The following SEC16A variants were observed in gnomAD, a reference collection of about 807,000 sequenced individuals.
SEC16A encodes the protein SEC16 homolog A, endoplasmic reticulum export factor.
A neutral mutation model predicts 221.9 loss-of-function variants in SEC16A; 110 were observed. The observed-to-expected ratio is 0.50, with a 90% CI of 0.42 to 0.58. The LOEUF is 0.58. SEC16A is among the 20% of genes least tolerant of loss of function. The pLI is 0.00. For missense variants in SEC16A, 3,165 were observed against 3,097.8 expected, an observed-to-expected ratio of 1.02 and a Z score of -0.52; for synonymous variants, 1,393 against 1,257.7, an observed-to-expected ratio of 1.11 and a Z score of -2.28.
chr9:136,442,391 C>T (rs916981136), intron 31 of SEC16A, among the ~76,000 whole-genome samples: 2 of 152,238 alleles, frequency 1.3e-5, no homozygotes, highest in African/African-American at 2.4e-5. Context: ...GCCTCGGCCT[C>T]GTTTGTAGAG....
chr9:136,464,859 C>T (rs981945933), intron 8 of SEC16A, among the ~76,000 whole-genome samples: 5 of 152,218 alleles, frequency 3.3e-5, no homozygotes, highest in Admixed American at 2.6e-4. Flanking sequence ...GTAATCCTCC[C>T]AGGCCTGGCC....
chr9:136,475,060 A>T lies in SEC16A; in HGVS notation c.2556T>A (p.Ser852=). The part of the protein sequence containing the change: ...PINFSVSLSN[S]HEKNQSWREA... ...CTCTCCAGGACTGATTCTTCTCATGAGAGTTCGATAAGGACACAGAAAAGT... is the reference window on the plus strand; with the variant it reads ...CTCTCCAGGACTGATTCTTCTCATGTGAGTTCGATAAGGACACAGAAAAGT... Residue 852 remains serine, a synonymous_variant, in exon 3 of 32, where the codon TCT becomes TCA. Transcript: ENST00000684901. The surrounding 1 kb of genome is among the most constrained non-coding windows in gnomAD (Gnocchi z 5.0). 2 of 1,613,670 alleles carry T rather than the reference A, an allele frequency of 1.2e-6. No individual in the cohort carries two copies. Among genetic ancestry groups the T allele is most frequent in the East Asian group, 4.5e-5 (2 of 44,856 alleles).
At chr9:136,460,732 G>A (rs974188909) in intron 13 of SEC16A, among the ~76,000 whole-genome samples, 1 of 151,942 alleles carries the variant, frequency 6.6e-6, no homozygotes, top group African/African-American at 2.4e-5. Context: ...GGCCAACATG[G>A]CAAAACCCAC....
intron 5 of SEC16A, 129 bp downstream of exon 5, chr9:136,468,284 TAA>T (rs1840405990): frequency 1.9e-6 from 1 of 538,242 alleles, no homozygotes; most frequent in Non-Finnish European, 3.3e-6. Context: ...GGCAAAAACA[TAA>T]AGAGATTAAT....
chr9:136,479,675 A>G (rs1445607757), intron 1 of SEC16A, among the ~76,000 whole-genome samples: 4 of 152,104 alleles, frequency 2.6e-5, no homozygotes, highest in South Asian at 2.1e-4. Context: ...TTGCAGATGT[A>G]TATTATTTTG....
In SEC16A at chr9:136,441,174, T is replaced by C. The variant is rs1836147174; in HGVS notation, c.*581A>G. 6.5e-6 allele frequency: 1 copy of C among 153,596 alleles called. No individual in the cohort carries two copies. Among genetic ancestry groups the C allele is most frequent in the South Asian group, 2.0e-4 (1 of 4,938 alleles). The allele number at this position is 153,596 out of a possible 1,614,324, so 9.5% of individuals were successfully genotyped here. On this transcript the variant is annotated 3_prime_UTR_variant, in exon 32 of 32. Transcript: ENST00000684901. ...GCCTCTCTCAAAAACCGTGAACTAA[T>C]GCCGAAGGAACCCCACGGCTCCTCG...
intron 3 of SEC16A, 25 bp downstream of exon 3, chr9:136,474,024 G>A (rs763703925): frequency 3.2e-6 from 5 of 1,570,850 alleles, no homozygotes; most frequent in Non-Finnish European, 4.3e-6. Flanking sequence ...AGAAAAGTGG[G>A]TTACACATAC....
chr9:136,453,281 T>C (rs1293610889), intron 22 of SEC16A, 147 bp downstream of exon 22: 4 of 586,868 alleles, frequency 6.8e-6, no homozygotes, highest in East Asian at 5.8e-5. Context: ...ATGAAAGCTA[T>C]TTAGAAGCAC....
In SEC16A at chr9:136,465,949, G is replaced by C. The variant is rs1291489957; in HGVS notation, c.4303+13C>G. 6.2e-7 allele frequency: 1 copy of C among 1,612,034 alleles called. No individual in the cohort carries two copies. Among genetic ancestry groups the C allele is most frequent in the Middle Eastern group, 1.7e-4 (1 of 5,966 alleles). Reference sequence around the variant, plus strand: ...GGGTTAGCCGGTATCCCTCTGTCCTGCTGAGCACACACCTTGCTCCATGGC... The same window carrying C: ...GGGTTAGCCGGTATCCCTCTGTCCTCCTGAGCACACACCTTGCTCCATGGC... On this transcript the variant is annotated intron_variant, in intron 8 of 31. Transcript: ENST00000684901.
Position 136,447,209 on chromosome 9 carries a change from GGTGCTC to G in SEC16A, c.6697+12_6697+17del. The G allele has an allele frequency of 1.3e-6, 2 of 1,584,408 alleles. No homozygotes were observed. Among genetic ancestry groups the G allele is most frequent in the Non-Finnish European group, 1.7e-6 (2 of 1,166,278 alleles). On this transcript the variant is annotated intron_variant, in intron 27 of 31. Coordinates refer to ENST00000684901, the MANE Select transcript of SEC16A (RefSeq NM_014866.2). The surrounding 1 kb of genome is among the most constrained non-coding windows in gnomAD (Gnocchi z 5.5). ...GACTGGGGGCTGACCTGGAGGGGCT[GGTGCTC>G]GTGCTACCTACCTGGGGTTGGCACG...
chr9:136,448,179 G>A lies in SEC16A; in HGVS notation c.6313-18C>T, dbSNP rs766304098. On this transcript the variant is annotated intron_variant, in intron 23 of 31. Transcript: ENST00000684901. ...GATTCACCCTAAATATAAAAAACACGAGAACAACTTTGAAAACATTATGTT... is the reference window on the plus strand; with the variant it reads ...GATTCACCCTAAATATAAAAAACACAAGAACAACTTTGAAAACATTATGTT... The A allele has an allele frequency of 6.9e-6, 11 of 1,598,558 alleles. No individual in the cohort carries two copies. The highest frequency in any genetic ancestry group is 2.7e-5 in the African/African-American group (2 of 74,590).
Position 136,474,166 on chromosome 9 carries a change from G to A in SEC16A, c.3450C>T (p.Gly1150=), listed in dbSNP as rs577690635. 4 of 1,612,958 alleles carry A rather than the reference G, an allele frequency of 2.5e-6. No individual in the cohort carries two copies. In the African/African-American group the frequency reaches 5.3e-5, roughly 21 times the overall value. The part of the protein sequence containing the change: ...WPQPVPALAP[G]PPPQDLAAYY... ...AGGCGGCCAGGTCCTGAGGCGGTGG[G>A]CCGGGGGCAAGTGCAGGCACTGGCT... Residue 1150 remains glycine (G), a synonymous_variant, in exon 3 of 32, where the codon GGC becomes GGT. Coordinates refer to ENST00000684901, the MANE Select transcript of SEC16A (RefSeq NM_014866.2).
chr9:136,459,170 G>A lies in SEC16A; in HGVS notation c.5373C>T (p.Ser1791=), dbSNP rs371116536. ...GCAGGGGGCAGGTCTCGGCACCCAG[G>A]GACTGGGCGTACTCATAGGCTTCCG... ...QRTEAYEYAQ[S]LGAETCPLPS... The change falls in exon 17 of 32, where the codon TCC becomes TCT. Residue 1791 remains serine, a synonymous_variant. Transcript: ENST00000684901. The surrounding 1 kb of genome is among the most constrained non-coding windows in gnomAD (Gnocchi z 6.1). 3 of 1,613,050 alleles carry A rather than the reference G, an allele frequency of 1.9e-6. No individual in the cohort carries two copies. Among genetic ancestry groups the A allele is most frequent in the Non-Finnish European group, 2.5e-6 (3 of 1,179,358 alleles).
rs777869421 is a variant in SEC16A, at chr9:136,451,288, C to T, written c.6280G>A (p.Ala2094Thr). The T allele has an allele frequency of 3.1e-6, 5 of 1,613,046 alleles. No homozygotes were observed. The South Asian group carries it at 5.5e-5, about 18-fold the overall frequency. ...PAPETKRPGQ[A>T]AKKETKEPKK... ...GGTTCCTTCGTTTCTTTCTTGGCTG[C>T]CTGTCCGGGTCTCTTTGTTTCGGGA... Residue 2094 changes from alanine to threonine, a missense_variant, in exon 23 of 32, where the codon GCA becomes ACA. By Grantham distance (58) the Ala-to-Thr change is moderately conservative. Coordinates refer to ENST00000684901, the MANE Select transcript of SEC16A (RefSeq NM_014866.2).
chr9:136,454,604 A>G (rs187506158), intron 20 of SEC16A, among the ~76,000 whole-genome samples: 99 of 152,146 alleles, frequency 6.5e-4, no homozygotes, highest in Non-Finnish European at 1.2e-3. Flanking sequence ...ACGCAAGCCC[A>G]TGGCGGCCGC....
At position 136,444,979 on chromosome 9, in the gene SEC16A, G is replaced by A. The variant is rs989895158; in HGVS notation, c.6927+73C>T. 48 of 1,376,104 alleles carry A rather than the reference G, an allele frequency of 3.5e-5. No individual in the cohort carries two copies. In the East Asian group the frequency reaches 5.9e-4, roughly 17 times the overall value. 85.2% of individuals were successfully genotyped at this position (1,376,104 alleles called of 1,614,324 possible). ...AGTGGCAAAGCGCACGTGGCGAACC[G>A]GCACCGCGTGCTCAGGAACACAGGC... On this transcript the variant is annotated intron_variant, in intron 30 of 31. Transcript: ENST00000684901.
chr9:136,454,596 G>A (rs546389149), intron 20 of SEC16A, among the ~76,000 whole-genome samples: 10 of 152,146 alleles, frequency 6.6e-5, no homozygotes, highest in Non-Finnish European at 1.5e-4. Context: ...CGGCCCACAC[G>A]CAAGCCCATG....
chr9:136,450,140 G>A (rs1018410590), intron 23 of SEC16A, among the ~76,000 whole-genome samples: 9 of 152,072 alleles, frequency 5.9e-5, no homozygotes, highest in Middle Eastern at 3.2e-3. Flanking sequence ...GGAGGCGGAG[G>A]TTGCAGTGAG....
intron 30 of SEC16A, among the ~76,000 whole-genome samples, 192 bp downstream of exon 30, chr9:136,444,860 C>T (rs1462797037): frequency 8.5e-6 from 1 of 117,324 alleles, no homozygotes; most frequent in Non-Finnish European, 1.6e-5. Flanking sequence ...GCCTGGGCAA[C>T]AAGAGCGAAA....
Sources: allele counts gnomAD v4.1 joint callset (sites outside exome capture counted in the v4.1 genomes callset), GRCh38; gene constraint gnomAD v4.1.1; non-coding constraint Gnocchi (gnomAD v3.1); transcripts MANE v1.5; gene names NCBI Gene and HGNC (gene_info 2026-07-23, HGNC 2026-07-21).